ATAD5: variants seen among roughly 807,000 people sequenced by gnomAD.
The protein encoded by ATAD5 is ATPase family AAA domain-containing protein 5.
Under a neutral mutation model 176.9 loss-of-function variants are expected in ATAD5, and 58 were observed. That is an observed-to-expected ratio of 0.33 (90% CI 0.27 to 0.41). ATAD5 has a LOEUF of 0.41. Among genes scored for constraint, ATAD5 ranks in the 10% least tolerant of loss-of-function variants. ATAD5 has a pLI of 1.00. For missense variants in ATAD5, 1,789 were observed against 2,094.1 expected (o/e 0.85, Z 2.84); for synonymous variants, 640 against 712.6 (o/e 0.90, Z 1.62).
At chr17:30,881,354 C>T (rs1326374249) in intron 18 of ATAD5, among the ~76,000 whole-genome samples, 2 of 152,106 alleles carry the variant, frequency 1.3e-5, no homozygotes, top group Non-Finnish European at 2.9e-5. Context: ...GGCTGGAGTA[C>T]GGTGGCACGA....
intron 14 of ATAD5, among the ~76,000 whole-genome samples, chr17:30,871,274 G>A (rs1908320210): frequency 6.6e-6 from 1 of 150,476 alleles, no homozygotes; most frequent in Admixed American, 6.7e-5. Flanking sequence ...AGTCTTTCCT[G>A]TAGGTTTTTG....
intron 10 of ATAD5, among the ~76,000 whole-genome samples, chr17:30,865,294 TC>T (rs1001664955): frequency 2.9e-4 from 44 of 151,772 alleles, no homozygotes; most frequent in African/African-American, 1.0e-3. Flanking sequence ...TGCCTCAGCC[TC>T]CCGAGTAGCT....
chr17:30,891,843 G>A (rs1234097019), intron 19 of ATAD5, among the ~76,000 whole-genome samples: 1 of 151,620 alleles, frequency 6.6e-6, no homozygotes, highest in South Asian at 2.1e-4. Context: ...GCGTCACCAC[G>A]CCTGGCTAAT....
chr17:30,839,236 G>A (rs553292213), intron 3 of ATAD5, among the ~76,000 whole-genome samples: 1 of 151,710 alleles, frequency 6.6e-6, no homozygotes, highest in South Asian at 2.1e-4. Context: ...TAGTTTAATA[G>A]TTAGATTTTT....
intron 18 of ATAD5, 131 bp from the exon 19 acceptor site, chr17:30,887,061 C>A (rs1909362872): frequency 1.6e-6 from 1 of 641,198 alleles, no homozygotes; most frequent in Non-Finnish European, 2.5e-6. Context: ...GCAGTTTCAT[C>A]CTCAAGAAGA....
In ATAD5 at chr17:30,866,185, A is replaced by ATTT. The variant is rs542432593; in HGVS notation, c.3233+412_3233+414dup. ...CCTTTACACTTAGTAGAATTTACAA[A>ATTT]TTTTTTTTTTTTTTTTTTTTTTTTT... On this transcript the variant is annotated intron_variant, in intron 11 of 22. Transcript: ENST00000321990. Among the ~76,000 whole-genome samples, 44 of 79,244 alleles carry ATTT rather than the reference A, an allele frequency of 5.6e-4. 1 individual carries two copies. Among genetic ancestry groups the ATTT allele is most frequent in the Admixed American group, 1.2e-3 (8 of 6,422 alleles). 52.0% of individuals were successfully genotyped at this position (79,244 alleles called of 152,430 possible). A position where few individuals can be genotyped will look rare whatever the true frequency, so the allele number is the denominator to read the frequency against.
intron 18 of ATAD5, among the ~76,000 whole-genome samples, chr17:30,880,765 T>G (rs548231213): frequency 6.6e-6 from 1 of 152,178 alleles, no homozygotes; most frequent in Admixed American, 6.5e-5. Context: ...TAGGCTTCAA[T>G]GTTCACTAGG....
Position 30,895,218 on chromosome 17 carries a change from T to C in ATAD5, c.*305T>C, listed in dbSNP as rs1909847373. ...AGATGAACTCCCTATTTCAAGTGTT[T>C]ATATTATATATTAGCTTAATATTCA... is the stretch of plus-strand genomic sequence containing the variant. On this transcript the variant is annotated 3_prime_UTR_variant, in exon 23 of 23. Coordinates refer to ENST00000321990, the MANE Select transcript of ATAD5 (RefSeq NM_024857.5). 5.2e-6 allele frequency: 1 copy of C among 193,774 alleles called. No homozygotes were observed. Among genetic ancestry groups the C allele is most frequent in the Non-Finnish European group, 1.0e-5 (1 of 95,840 alleles). 12.0% of individuals were successfully genotyped at this position (193,774 alleles called of 1,614,324 possible). A position where few individuals can be genotyped will look rare whatever the true frequency, so the allele number is the denominator to read the frequency against.
At chr17:30,872,252 G>GTATT (rs1908378521) in intron 14 of ATAD5, among the ~76,000 whole-genome samples, 5 of 152,130 alleles carry the variant, frequency 3.3e-5, no homozygotes, top group Non-Finnish European at 7.4e-5. Flanking sequence ...AGGCAAAAAA[G>GTATT]TAGCAGCATT....
chr17:30,887,230 T>C lies in ATAD5; in HGVS notation c.4116T>C (p.Thr1372=), dbSNP rs377226704. 7.5e-6 allele frequency: 12 copies of C among 1,596,410 alleles called. No homozygotes were observed. Among genetic ancestry groups the C allele is most frequent in the Non-Finnish European group, 1.0e-5 (12 of 1,174,790 alleles). ...GCTACCTACAAATGATTTGCTTAAC[T>C]GAGAATTTTAGAACTGATGTAAAAG... The part of the protein sequence containing the change: ...VASYLQMICL[T]ENFRTDVKDF... Residue 1372 remains threonine, a synonymous_variant, in exon 19 of 23, where the codon ACT becomes ACC. Transcript: ENST00000321990.
At chr17:30,856,907 A>G in intron 7 of ATAD5, 48 bp from the exon 8 acceptor site, 1 of 1,453,822 alleles carries the variant, frequency 6.9e-7, no homozygotes, top group Non-Finnish European at 9.1e-7. Context: ...CAGTAAATGG[A>G]TAGTGTATAA....
chr17:30,879,814 G>T lies in ATAD5; in HGVS notation c.4077+327G>T, dbSNP rs113107724. Among the ~76,000 whole-genome samples the T allele has an allele frequency of 3.7e-4, 56 of 151,964 alleles. 1 individual carries two copies. The East Asian group carries it at 5.7e-3, about 15-fold the overall frequency. ...CCTGACCTTGTGATCTGCCCGCCTC[G>T]GCCTCCCAAAGTGCTGGGATTACAG... On this transcript the variant is annotated intron_variant, in intron 18 of 22. Transcript: ENST00000321990.
intron 11 of ATAD5, among the ~76,000 whole-genome samples, chr17:30,867,343 T>A (rs1355367934): frequency 6.6e-6 from 1 of 152,104 alleles, no homozygotes; most frequent in Non-Finnish European, 1.5e-5. Flanking sequence ...GAGGCTGCAG[T>A]GAGCTATGAT....
chr17:30,861,434 C>G (rs916637316), intron 10 of ATAD5, among the ~76,000 whole-genome samples: 2 of 151,878 alleles, frequency 1.3e-5, no homozygotes, highest in Non-Finnish European at 2.9e-5. Flanking sequence ...TAAATAGAAC[C>G]TCACGGATTA....
intron 7 of ATAD5, among the ~76,000 whole-genome samples, chr17:30,856,728 G>A (rs574523733): frequency 6.6e-6 from 1 of 152,286 alleles, no homozygotes; most frequent in Admixed American, 6.5e-5. Context: ...AGAAAGGAAA[G>A]TTTGTTAATA....
At chr17:30,840,585 G>T in intron 3 of ATAD5, 32 bp from the exon 4 acceptor site, 1 of 1,337,420 alleles carries the variant, frequency 7.5e-7, no homozygotes, top group Non-Finnish European at 1.0e-6. Context: ...ATTTTCTTGT[G>T]ATGTAAATTA....
chr17:30,894,730 C>T lies in ATAD5; in HGVS notation c.5456+8C>T. The T allele has an allele frequency of 6.3e-7, 1 of 1,590,618 alleles. No homozygotes were observed. Among genetic ancestry groups the T allele is most frequent in the Non-Finnish European group, 8.5e-7 (1 of 1,172,034 alleles). ...AGGAAAAAGTAAAAGAAGGTAAAGG[C>T]TTTATTAAAAACAACATTTTAGATA... is the stretch of plus-strand genomic sequence containing the variant. On this transcript the variant is annotated splice_region_variant and intron_variant, in intron 22 of 22. Coordinates refer to ENST00000321990, the MANE Select transcript of ATAD5 (RefSeq NM_024857.5).
intron 14 of ATAD5, among the ~76,000 whole-genome samples, chr17:30,871,130 T>C: frequency 7.6e-6 from 1 of 131,150 alleles, no homozygotes; most frequent in Non-Finnish European, 1.5e-5. Context: ...TGGTTAGTTG[T>C]TATTACTATT....
intron 18 of ATAD5, among the ~76,000 whole-genome samples, chr17:30,879,881 C>G (rs955589697): frequency 6.6e-6 from 1 of 151,360 alleles, no homozygotes; most frequent in Non-Finnish European, 1.5e-5. Flanking sequence ...TATAATTTAG[C>G]CAGGTGTGGT....
Sources: allele counts gnomAD v4.1 joint callset (sites outside exome capture counted in the v4.1 genomes callset), GRCh38; gene constraint gnomAD v4.1.1; transcripts MANE v1.5; gene names NCBI Gene and HGNC (gene_info 2026-07-23, HGNC 2026-07-21).